LMF1: variants seen among roughly 807,000 people sequenced by gnomAD.
LMF1 encodes transmembrane protein 112.
LMF1 carries 68 observed loss-of-function variants against 60.6 expected under a neutral mutation model. The observed-to-expected ratio is 1.12, with a 90% CI of 0.92 to 1.37. The LOEUF (loss-of-function observed/expected upper bound fraction) is 1.37, where lower values mean the gene tolerates loss of function less well. LMF1 is among the 40% of genes most tolerant of loss of function. The pLI is 0.00. For synonymous variants in LMF1, 418 were observed against 324.7 expected (o/e 1.29, Z -3.09); for missense variants, 948 against 767.2 (o/e 1.24, Z -2.78).
intron 2 of LMF1, among the ~76,000 whole-genome samples, chr16:940,226 G>A (rs917551108): frequency 5.9e-5 from 9 of 152,146 alleles, no homozygotes; most frequent in African/African-American, 1.9e-4. Context: ...CCCTGATTTC[G>A]GACTTCTGGC....
In LMF1 at chr16:970,834, G is replaced by A. The variant is rs1389609033; in HGVS notation, c.147C>T (p.Phe49=). Residue 49 remains phenylalanine, a synonymous_variant, in exon 1 of 11, where the codon TTC becomes TTT. Transcript: ENST00000262301. Reference sequence around the variant, plus strand: ...TCAGGAGCACGATCCGGGTCAGCCAGAAGGTGCCCGTGTGGAGATGGGCCG... The same window carrying A: ...TCAGGAGCACGATCCGGGTCAGCCAAAAGGTGCCCGTGTGGAGATGGGCCG... ...GSPAHLHTGT[F]WLTRIVLLKA... 1.3e-6 allele frequency: 2 copies of A among 1,550,598 alleles called. No individual in the cohort carries two copies. The highest frequency in any genetic ancestry group is 1.9e-5 in the Admixed American group (1 of 51,418).
chr16:965,275 A>C, intron 1 of LMF1, among the ~76,000 whole-genome samples: 1 of 147,068 alleles, frequency 6.8e-6, no homozygotes, highest in South Asian at 2.1e-4. Context: ...CTACGAAGCT[A>C]GACAGGAGAG....
At chr16:923,746 G>A (rs1399474378) in intron 3 of LMF1, among the ~76,000 whole-genome samples, 1 of 152,140 alleles carries the variant, frequency 6.6e-6, no homozygotes, top group Non-Finnish European at 1.5e-5. Context: ...CCCCAATCTG[G>A]CAGAGTTAAC....
At chr16:939,242 C>A (rs1358101380) in intron 2 of LMF1, among the ~76,000 whole-genome samples, 2 of 116,258 alleles carry the variant, frequency 1.7e-5, no homozygotes, top group African/African-American at 9.0e-5. Context: ...GGGAACAGGA[C>A]AACAGCACGC....
Position 854,456 on chromosome 16 carries a change from G to C in LMF1, c.*76C>G. 3 of 1,407,638 alleles carry C rather than the reference G, an allele frequency of 2.1e-6. No individual in the cohort carries two copies. Among genetic ancestry groups the C allele is most frequent in the Non-Finnish European group, 2.9e-6 (3 of 1,028,442 alleles). 87.2% of individuals were successfully genotyped at this position (1,407,638 alleles called of 1,614,324 possible). A position where few individuals can be genotyped will look rare whatever the true frequency, so the allele number is the denominator to read the frequency against. ...CGTCTCTCTTGGCGATGCCCAGCTT[G>C]GGCTGGGCGCAGGGAAGGGCAAACG... On this transcript the variant is annotated 3_prime_UTR_variant, in exon 11 of 11. Coordinates refer to ENST00000262301, the MANE Select transcript of LMF1 (RefSeq NM_022773.4).
chr16:955,010 T>C (rs796813212), intron 1 of LMF1, among the ~76,000 whole-genome samples: 1,789 of 130,942 alleles, frequency 0.014, 30 homozygotes, highest in South Asian at 0.023. Flanking sequence ...AATGCGTGCC[T>C]GCAGCAGATG....
At chr16:939,202 T>A (rs1456962561) in intron 2 of LMF1, among the ~76,000 whole-genome samples, 1 of 152,016 alleles carries the variant, frequency 6.6e-6, no homozygotes. Context: ...AAACTCTCAG[T>A]GGTTTTTCGG....
upstream of LMF1, among the ~76,000 whole-genome samples, chr16:974,375 G>T (rs1291918009): frequency 6.6e-6 from 1 of 152,192 alleles, no homozygotes; most frequent in Non-Finnish European, 1.5e-5. Context: ...GGGAGGAGGA[G>T]GAGGGCGTCC....
chr16:867,685 G>T (rs1197299706), intron 10 of LMF1, among the ~76,000 whole-genome samples: 3 of 152,182 alleles, frequency 2.0e-5, no homozygotes, highest in Non-Finnish European at 4.4e-5. Flanking sequence ...CAGCTAGGAG[G>T]GCGGCCACCC....
intron 5 of LMF1, among the ~76,000 whole-genome samples, chr16:888,022 C>T (rs772429145): frequency 3.7e-4 from 57 of 152,242 alleles, no homozygotes; most frequent in Non-Finnish European, 5.3e-4. Flanking sequence ...AGCGGTGAGT[C>T]GACTCTGGGG....
intron 1 of LMF1, chr16:976,283 G>C (rs556160411): frequency 3.9e-4 from 175 of 450,158 alleles, no homozygotes; most frequent in African/African-American, 3.3e-3. Flanking sequence ...AGGGGATGAG[G>C]GCCCAGAACG....
chr16:870,783 A>C lies in LMF1; in HGVS notation c.1178T>G (p.Met393Arg). The change falls in exon 8 of 11, where the codon ATG (methionine) becomes AGG (arginine). Residue 393 changes from methionine (M) to arginine (R), a missense_variant. Met to Arg is a moderately conservative substitution (Grantham distance 91). Transcript: ENST00000262301. The stretch of plus-strand genomic sequence containing the variant: ...GTGAAGAGAGTTGAAGTGGGTGTTC[A>C]TGACCTGCCTGGAGCTCAGCAAGTT... ...VLNLLSSRQV[M>R]NTHFNSLHIV... is the part of the protein sequence containing the mutation. The C allele has an allele frequency of 6.2e-7, 1 of 1,612,912 alleles. No individual in the cohort carries two copies. Among genetic ancestry groups the C allele is most frequent in the Non-Finnish European group, 8.5e-7 (1 of 1,179,694 alleles).
Position 892,985 on chromosome 16 carries a change from TCA to T in LMF1, c.729+20_729+21del. 1 of 1,530,624 alleles carries T rather than the reference TCA, an allele frequency of 6.5e-7. No homozygotes were observed. Among genetic ancestry groups the T allele is most frequent in the South Asian group, 1.2e-5 (1 of 83,348 alleles). The allele number at this position is 1,530,624 out of a possible 1,614,324, so 94.8% of individuals were successfully genotyped here. On this transcript the variant is annotated intron_variant, in intron 5 of 10. Coordinates refer to ENST00000262301, the MANE Select transcript of LMF1 (RefSeq NM_022773.4). ...CGGCGTGAGACCGGGTGCCCTGCCC[TCA>T]CGCTGCACGGCACGCTCACCTCATA...
Position 854,466 on chromosome 16 carries a change from C to T in LMF1, c.*66G>A. On this transcript the variant is annotated 3_prime_UTR_variant, in exon 11 of 11. Coordinates refer to ENST00000262301, the MANE Select transcript of LMF1 (RefSeq NM_022773.4). ...GGCGATGCCCAGCTTGGGCTGGGCG[C>T]AGGGAAGGGCAAACGTTGCTGAGCC... The T allele has an allele frequency of 6.7e-7, 1 of 1,483,008 alleles. No individual in the cohort carries two copies. Among genetic ancestry groups the T allele is most frequent in the Non-Finnish European group, 9.1e-7 (1 of 1,093,996 alleles). The allele number at this position is 1,483,008 out of a possible 1,614,324, so 91.9% of individuals were successfully genotyped here. A position where few individuals can be genotyped will look rare whatever the true frequency, so the allele number is the denominator to read the frequency against.
At chr16:888,157 G>C (rs1365836139) in intron 5 of LMF1, among the ~76,000 whole-genome samples, 1 of 151,998 alleles carries the variant, frequency 6.6e-6, no homozygotes, top group African/African-American at 2.4e-5. Flanking sequence ...AAGCCTTGGG[G>C]TGCAGGGGGT....
At chr16:976,024 T>C (rs1046482699) in intron 1 of LMF1, 6 of 453,962 alleles carry the variant, frequency 1.3e-5, no homozygotes, top group African/African-American at 2.0e-5. Flanking sequence ...AGGGGCCTCA[T>C]GAACTCTGAA....
chr16:911,995 C>A (rs530513000), intron 3 of LMF1, among the ~76,000 whole-genome samples: 5 of 152,312 alleles, frequency 3.3e-5, no homozygotes, highest in Admixed American at 6.5e-5. Context: ...GGTGAGGCCA[C>A]CGTGAATGTG....
intron 2 of LMF1, 106 bp downstream of exon 2, chr16:954,251 T>C: frequency 8.4e-7 from 1 of 1,195,960 alleles, no homozygotes; most frequent in South Asian, 1.3e-5. Flanking sequence ...CTGAAGGAAT[T>C]TAAGATAAAC....
intron 3 of LMF1, among the ~76,000 whole-genome samples, chr16:929,279 C>G (rs563368853): frequency 6.6e-6 from 1 of 152,216 alleles, no homozygotes; most frequent in African/African-American, 2.4e-5. Context: ...ACTCTGCAGA[C>G]GGGAGCCCCT....
Sources: allele counts gnomAD v4.1 joint callset (sites outside exome capture counted in the v4.1 genomes callset), GRCh38; gene constraint gnomAD v4.1.1; transcripts MANE v1.5; gene names NCBI Gene and HGNC (gene_info 2026-07-23, HGNC 2026-07-21).